EVI5: variants seen among roughly 807,000 people sequenced by gnomAD.
EVI5 encodes the protein ecotropic viral integration site 5 protein homolog.
A neutral mutation model predicts 112.0 loss-of-function variants in EVI5; 73 were observed. That is an observed-to-expected ratio of 0.65 (90% CI 0.54 to 0.79). The LOEUF is 0.79. Ranked by LOEUF, EVI5 falls within the 30% of genes least tolerant of loss-of-function variation. EVI5 has a pLI of 0.00. For synonymous variants in EVI5, 305 were observed against 319.9 expected (o/e 0.95, Z 0.50); for missense variants, 900 against 968.8 (o/e 0.93, Z 0.94).
chr1:92,688,312 T>C (rs1668901578), intron 9 of EVI5, among the ~76,000 whole-genome samples: 1 of 152,108 alleles, frequency 6.6e-6, no homozygotes, highest in African/African-American at 2.4e-5. Flanking sequence ...ATGCTCTCAC[T>C]CATAGGTGGG....
chr1:92,584,719 G>A (rs1238472080), intron 18 of EVI5, among the ~76,000 whole-genome samples: 2 of 152,124 alleles, frequency 1.3e-5, no homozygotes, highest in Non-Finnish European at 2.9e-5. Flanking sequence ...TAAAGTCATG[G>A]ACAAAGGTTT....
chr1:92,623,618 C>T (rs1252808456), intron 16 of EVI5, among the ~76,000 whole-genome samples: 1 of 152,204 alleles, frequency 6.6e-6, no homozygotes, highest in South Asian at 2.1e-4. Flanking sequence ...AGGGTCACCA[C>T]ATTAAACAAC....
intron 18 of EVI5, among the ~76,000 whole-genome samples, chr1:92,596,317 G>A (rs1571794974): frequency 1.3e-5 from 2 of 152,108 alleles, no homozygotes; most frequent in African/African-American, 4.8e-5. Flanking sequence ...CCGTGACTGC[G>A]CCACCGCATT....
At chr1:92,542,827 T>C (rs1571413308) in intron 19 of EVI5, among the ~76,000 whole-genome samples, 1 of 152,228 alleles carries the variant, frequency 6.6e-6, no homozygotes, top group Admixed American at 6.5e-5. Flanking sequence ...ACTAGTTGCA[T>C]TGTTTCTGAG....
chr1:92,678,288 TG>T (rs1300276315), intron 9 of EVI5, among the ~76,000 whole-genome samples: 2 of 152,050 alleles, frequency 1.3e-5, no homozygotes, highest in South Asian at 2.1e-4. Flanking sequence ...CCCAGCACTT[TG>T]GGGGGCCAAG....
chr1:92,692,464 A>G (rs1183304717), intron 9 of EVI5, among the ~76,000 whole-genome samples: 2 of 152,262 alleles, frequency 1.3e-5, no homozygotes, highest in African/African-American at 4.8e-5. Flanking sequence ...AAACGTATCA[A>G]CATGATGGTG....
At chr1:92,788,496 C>CA (rs1238100172), upstream of EVI5, among the ~76,000 whole-genome samples, 79 of 131,542 alleles carry the variant, frequency 6.0e-4, no homozygotes, top group Non-Finnish European at 9.3e-4. Context: ...CAAAACAAAA[C>CA]AAAACAAAAA....
chr1:92,726,151 G>A lies in EVI5; in HGVS notation c.149+10247C>T, dbSNP rs535759517. Among the ~76,000 whole-genome samples the A allele has an allele frequency of 8.6e-4, 131 of 152,228 alleles. 1 individual carries two copies. The highest frequency in any genetic ancestry group is 2.8e-3 in the African/African-American group (115 of 41,572). On this transcript the variant is annotated intron_variant, in intron 2 of 19. Coordinates refer to ENST00000684568, the MANE Select transcript of EVI5 (RefSeq NM_001350197.2). ...AGAAAGGGACAAAAAATTATCTGAA[G>A]AAAACATTGGCTCCAAAATTTCCAC...
chr1:92,594,444 A>C (rs1201788452), intron 18 of EVI5, among the ~76,000 whole-genome samples: 2 of 151,246 alleles, frequency 1.3e-5, no homozygotes, highest in African/African-American at 2.4e-5. Flanking sequence ...TACATGTTAG[A>C]CCTAAAACCA....
At chr1:92,700,654 G>A (rs1366063324) in intron 5 of EVI5, among the ~76,000 whole-genome samples, 3 of 152,178 alleles carry the variant, frequency 2.0e-5, no homozygotes, top group South Asian at 4.1e-4. Context: ...AGGATTCCTA[G>A]AGAGCTAGGT....
chr1:92,560,557 CTT>C (rs920308847), intron 19 of EVI5, among the ~76,000 whole-genome samples: 1 of 147,826 alleles, frequency 6.8e-6, no homozygotes. Context: ...ACTTTTTTTT[CTT>C]TTTTTTTTGA....
chr1:92,756,746 T>C (rs1681015282), intron 1 of EVI5: 1 of 493,010 alleles, frequency 2.0e-6, no homozygotes. Flanking sequence ...TAGCAGATGG[T>C]ATCTACTATG....
intron 17 of EVI5, among the ~76,000 whole-genome samples, chr1:92,607,182 A>C (rs2101598912): frequency 6.6e-6 from 1 of 152,280 alleles, no homozygotes; most frequent in East Asian, 1.9e-4. Context: ...ACATGTATCA[A>C]TGTTATTAAC....
At chr1:92,746,891 G>T in intron 1 of EVI5, among the ~76,000 whole-genome samples, 1 of 83,586 alleles carries the variant, frequency 1.2e-5, no homozygotes, top group South Asian at 5.6e-4. Context: ...CAAGACTCTG[G>T]TTCAAAAAAA....
At chr1:92,674,101 T>C (rs970719375) in intron 10 of EVI5, among the ~76,000 whole-genome samples, 34 of 152,190 alleles carry the variant, frequency 2.2e-4, no homozygotes, top group Admixed American at 2.2e-3. Context: ...GAACCCATTC[T>C]CTTGTAAAAG....
intron 1 of EVI5, among the ~76,000 whole-genome samples, chr1:92,744,275 G>GT (rs1000810309): frequency 1.4e-4 from 22 of 152,254 alleles, no homozygotes; most frequent in African/African-American, 5.3e-4. Context: ...AGAAAAATGT[G>GT]TTTTTTGCTG....
chr1:92,552,860 T>A (rs1353061157), intron 19 of EVI5, among the ~76,000 whole-genome samples: 1 of 152,124 alleles, frequency 6.6e-6, no homozygotes, highest in African/African-American at 2.4e-5. Flanking sequence ...CTTTTCTAGG[T>A]GGTTTCCTTA....
At chr1:92,784,021 T>C (rs1030857044) in intron 1 of EVI5, among the ~76,000 whole-genome samples, 1 of 152,158 alleles carries the variant, frequency 6.6e-6, no homozygotes, top group African/African-American at 2.4e-5. Flanking sequence ...TTCAACACTG[T>C]AACCCAAAGA....
chr1:92,643,545 G>A (rs1396775112), intron 13 of EVI5, among the ~76,000 whole-genome samples: 4 of 151,958 alleles, frequency 2.6e-5, no homozygotes, highest in African/African-American at 9.7e-5. Flanking sequence ...AAGAGCTATG[G>A]TTACAGGCAT....
Sources: gnomAD v4.1 joint callset for allele counts (sites outside exome capture counted in the v4.1 genomes callset) on GRCh38, gnomAD v4.1.1 for gene constraint, MANE v1.5 for transcripts, NCBI Gene and HGNC (gene_info 2026-07-23, HGNC 2026-07-21) for gene names.